Variants in ARHGEF7 observed in about 807,000 individuals in gnomAD.
ARHGEF7 encodes the protein PAK-interacting exchange factor beta.
ARHGEF7 carries 33 observed loss-of-function variants against 109.8 expected under a neutral mutation model. The observed-to-expected ratio is 0.30, with a 90% CI of 0.23 to 0.40. ARHGEF7 has a LOEUF of 0.40. ARHGEF7 is among the 10% of genes least tolerant of loss of function. The probability of loss-of-function intolerance (pLI) is 1.00; values close to 1 mark genes in which losing one functional copy is unlikely to be tolerated. For missense variants in ARHGEF7, 938 were observed against 1,098.5 expected (o/e 0.85, Z 2.07); for synonymous variants, 458 against 424.6 (o/e 1.08, Z -0.97).
chr13:111,174,639 CTTAG>C (rs1202430748), intron 2 of ARHGEF7, among the ~76,000 whole-genome samples: 1 of 152,146 alleles, frequency 6.6e-6, no homozygotes, highest in Non-Finnish European at 1.5e-5. Context: ...ATTGTCTTGC[CTTAG>C]TTAAAGTAGA....
chr13:111,198,196 C>T (rs138418344), intron 2 of ARHGEF7, among the ~76,000 whole-genome samples: 90 of 152,260 alleles, frequency 5.9e-4, no homozygotes, highest in African/African-American at 2.1e-3. Context: ...GGTGGCTGTG[C>T]TAGTTGCTTT....
chr13:111,159,929 C>T (rs546622856), intron 2 of ARHGEF7, among the ~76,000 whole-genome samples: 12 of 152,210 alleles, frequency 7.9e-5, no homozygotes, highest in Admixed American at 6.5e-5. Flanking sequence ...ACTCATTGTC[C>T]AGACCAATGT....
rs772944592 is a variant in ARHGEF7, at chr13:111,273,959, C to T, written c.1212+7C>T. 1.9e-5 allele frequency: 31 copies of T among 1,613,534 alleles called. No individual in the cohort carries two copies. In the East Asian group the frequency reaches 3.1e-4, roughly 16 times the overall value. ...GCTCGAGAGACACATGGAGGTACTG[C>T]GCTTTCATTCTCTTACTTGGAGTCC... On this transcript the variant is annotated splice_region_variant and intron_variant, in intron 10 of 21. Coordinates refer to ENST00000646102, the MANE Select transcript of ARHGEF7 (RefSeq NM_001354046.2). The surrounding 1 kb of genome is among the most constrained non-coding windows in gnomAD (Gnocchi z 4.5).
At chr13:111,284,665 A>T (rs892328231) in intron 16 of ARHGEF7, among the ~76,000 whole-genome samples, 1 of 152,144 alleles carries the variant, frequency 6.6e-6, no homozygotes, top group African/African-American at 2.4e-5. Flanking sequence ...TGCTTTGCCA[A>T]CTCCACACTG....
At chr13:111,135,162 T>C (rs1452001029) in intron 1 of ARHGEF7, among the ~76,000 whole-genome samples, 2 of 152,230 alleles carry the variant, frequency 1.3e-5, no homozygotes, top group Non-Finnish European at 2.9e-5. Flanking sequence ...GGTCTGAATC[T>C]CTGTTTTGGT....
At chr13:111,151,974 A>C (rs1319476833) in intron 1 of ARHGEF7, among the ~76,000 whole-genome samples, 1 of 152,312 alleles carries the variant, frequency 6.6e-6, no homozygotes, top group East Asian at 1.9e-4. Flanking sequence ...TTGTGTCCAT[A>C]TATGACTGAG....
chr13:111,217,890 C>T lies in ARHGEF7; in HGVS notation c.670+10C>T, dbSNP rs147769518. 514 of 1,599,658 alleles carry T rather than the reference C, an allele frequency of 3.2e-4. No individual in the cohort carries two copies. The highest frequency in any genetic ancestry group is 5.1e-4 in the Middle Eastern group (3 of 5,886). On this transcript the variant is annotated intron_variant, in intron 5 of 21. Transcript: ENST00000646102. ...GAGGTCAAGGCCAGCGGTAAGTGGC[C>T]GAGCCTGGGCTGTGTGTGGCTTTTT...
chr13:111,288,460 G>T lies in ARHGEF7; in HGVS notation c.2134+17G>T. ...TCAATTCAAGTAAGTTTAGCAATAA[G>T]GCCTGGGAAGTGTGGTGGTTTATTC... On this transcript the variant is annotated intron_variant, in intron 18 of 21. Coordinates refer to ENST00000646102, the MANE Select transcript of ARHGEF7 (RefSeq NM_001354046.2). The T allele has an allele frequency of 6.3e-7, 1 of 1,588,306 alleles. No individual in the cohort carries two copies. The highest frequency in any genetic ancestry group is 8.6e-7 in the Non-Finnish European group (1 of 1,157,100).
At chr13:111,139,093 T>C (rs1315540126) in intron 1 of ARHGEF7, among the ~76,000 whole-genome samples, 1 of 152,124 alleles carries the variant, frequency 6.6e-6, no homozygotes, top group Admixed American at 6.5e-5. Flanking sequence ...ATTAAAAGTA[T>C]AGAACTGAAT....
intron 1 of ARHGEF7, among the ~76,000 whole-genome samples, chr13:111,134,367 C>T (rs1228276188): frequency 6.6e-6 from 1 of 152,244 alleles, no homozygotes; most frequent in East Asian, 1.9e-4. Context: ...GGAATTGCCA[C>T]ACTGTCTTCC....
chr13:111,151,361 C>T (rs144564783), intron 1 of ARHGEF7, among the ~76,000 whole-genome samples: 15 of 152,342 alleles, frequency 9.8e-5, no homozygotes, highest in Non-Finnish European at 1.6e-4. Context: ...CCTTTTGAAA[C>T]GTGCCAGCCA....
intron 1 of ARHGEF7, among the ~76,000 whole-genome samples, chr13:111,149,851 A>T (rs1329621563): frequency 6.6e-6 from 1 of 152,200 alleles, no homozygotes; most frequent in Non-Finnish European, 1.5e-5. Flanking sequence ...TAAAGTCCTG[A>T]AAAAAGCATT....
intron 19 of ARHGEF7, among the ~76,000 whole-genome samples, chr13:111,297,072 C>A (rs181178352): frequency 6.6e-6 from 1 of 152,210 alleles, no homozygotes; most frequent in Non-Finnish European, 1.5e-5. Flanking sequence ...TTAATAATTT[C>A]TGAGATAACT....
At chr13:111,277,806 T>C in intron 13 of ARHGEF7, 133 bp downstream of exon 13, 1 of 600,362 alleles carries the variant, frequency 1.7e-6, no homozygotes, top group Non-Finnish European at 2.9e-6. Flanking sequence ...TATTCAGATA[T>C]GGACGTACAG....
chr13:111,280,943 G>A (rs2951), intron 15 of ARHGEF7: 5,893 of 311,686 alleles, frequency 0.019, 106 homozygotes, highest in Middle Eastern at 0.068. Flanking sequence ...CTTCTGCTCC[G>A]TGTGGCCCTA....
chr13:111,265,075 G>A (rs2091481000), intron 8 of ARHGEF7, among the ~76,000 whole-genome samples: 1 of 135,226 alleles, frequency 7.4e-6, no homozygotes, highest in African/African-American at 2.9e-5. Context: ...AGTGAGCTGA[G>A]ATGGTGCCAT....
chr13:111,226,638 G>C (rs1004763156), intron 5 of ARHGEF7, among the ~76,000 whole-genome samples: 2 of 152,192 alleles, frequency 1.3e-5, no homozygotes, highest in Non-Finnish European at 2.9e-5. Flanking sequence ...CTTATTGACA[G>C]TGTACCTAAT....
At chr13:111,175,640 C>T (rs183255739) in intron 2 of ARHGEF7, among the ~76,000 whole-genome samples, 3 of 152,274 alleles carry the variant, frequency 2.0e-5, no homozygotes, top group East Asian at 1.9e-4. Flanking sequence ...CTGCTCCAGG[C>T]GCTTTGAAAG....
chr13:111,174,765 C>T (rs561011959), intron 2 of ARHGEF7, among the ~76,000 whole-genome samples: 25 of 152,288 alleles, frequency 1.6e-4, no homozygotes, highest in South Asian at 4.1e-4. Flanking sequence ...TCCATCTGTA[C>T]GCTGGGGGTC....
Sources: allele counts gnomAD v4.1 joint callset (sites outside exome capture counted in the v4.1 genomes callset), GRCh38; gene constraint gnomAD v4.1.1; non-coding constraint Gnocchi (gnomAD v3.1); transcripts MANE v1.5; gene names NCBI Gene and HGNC (gene_info 2026-07-23, HGNC 2026-07-21).